Variants in AFF3 observed in about 807,000 individuals in gnomAD.
AFF3 encodes the protein AF4/FMR2 family member 3.
In AFF3, 32 loss-of-function variants were observed where a neutral mutation model predicts 129.7. That is an observed-to-expected ratio of 0.25 (90% CI 0.19 to 0.33). AFF3 has a LOEUF of 0.33. Among genes scored for constraint, AFF3 ranks in the 10% least tolerant of loss-of-function variants. The pLI, the probability that AFF3 is intolerant of heterozygous loss-of-function variation, is 1.00. For missense variants in AFF3, 1,373 were observed against 1,592.0 expected (o/e 0.86, Z 2.34); for synonymous variants, 644 against 635.4 (o/e 1.01, Z -0.20).
chr2:100,106,457 CTG>C, intron 2 of AFF3: 1 of 1,026,632 alleles, frequency 9.7e-7, no homozygotes, highest in Non-Finnish European at 1.2e-6. Context: ...AAAAGAAAAT[CTG>C]TCTTTCTAAT....
chr2:99,760,145 T>C (rs991348803), intron 8 of AFF3, among the ~76,000 whole-genome samples: 1 of 152,208 alleles, frequency 6.6e-6, no homozygotes, highest in Non-Finnish European at 1.5e-5. Context: ...GTCTCTAAAA[T>C]GAGAAATATA....
At chr2:100,021,779 A>T (rs1683620127) in intron 4 of AFF3, among the ~76,000 whole-genome samples, 1 of 152,258 alleles carries the variant, frequency 6.6e-6, no homozygotes, top group South Asian at 2.1e-4. Flanking sequence ...GGGGCTTAGA[A>T]AATTTAAACA....
At position 99,601,691 on chromosome 2, in the gene AFF3, C is replaced by G. The variant is rs1679857038; in HGVS notation, c.1185-70G>C. On this transcript the variant is annotated intron_variant, in intron 13 of 24. Transcript: ENST00000672756. ...AAGTGAGCAAACAGGAAAACACCAC[C>G]AAGCTGTCATGCACCCTAAAGAGGG... The G allele has an allele frequency of 5.9e-6, 9 of 1,531,894 alleles. No individual in the cohort carries two copies. In the South Asian group the frequency reaches 1.1e-4, roughly 19 times the overall value. The allele number at this position is 1,531,894 out of a possible 1,614,324, so 94.9% of individuals were successfully genotyped here.
intron 7 of AFF3, among the ~76,000 whole-genome samples, chr2:99,928,402 T>C (rs1414385156): frequency 1.3e-5 from 2 of 152,192 alleles, no homozygotes; most frequent in African/African-American, 2.4e-5. Context: ...AACTTGTTCC[T>C]TGAATACAAG....
Position 99,545,930 on chromosome 2 carries a change from T to A in AFF3, c.*5544A>T. On this transcript the variant is annotated 3_prime_UTR_variant, in exon 25 of 25. Coordinates refer to ENST00000672756, the MANE Select transcript of AFF3 (RefSeq NM_001386135.1). ...AAACAAGTTAACCCCTTTGGTGACA[T>A]ATACAGAATAATCTGGACAAAGGGA... is the stretch of plus-strand genomic sequence containing the variant. 4.9e-6 allele frequency: 1 copy of A among 205,962 alleles called. No individual in the cohort carries two copies. Among genetic ancestry groups the A allele is most frequent in the East Asian group, 7.4e-5 (1 of 13,594 alleles). 12.8% of individuals were successfully genotyped at this position (205,962 alleles called of 1,614,324 possible).
chr2:99,801,085 T>G (rs1685908488), intron 8 of AFF3, among the ~76,000 whole-genome samples: 1 of 152,224 alleles, frequency 6.6e-6, no homozygotes, highest in South Asian at 2.1e-4. Context: ...TTCACCGGTA[T>G]ATACCAATGT....
intron 4 of AFF3, among the ~76,000 whole-genome samples, chr2:100,069,076 C>T (rs566388554): frequency 6.7e-6 from 1 of 149,016 alleles, no homozygotes; most frequent in East Asian, 1.9e-4. Flanking sequence ...CTAGTACTCT[C>T]TAGTTATTTT....
At chr2:99,607,613 T>A (rs2105159746) in intron 13 of AFF3, among the ~76,000 whole-genome samples, 1 of 152,250 alleles carries the variant, frequency 6.6e-6, no homozygotes, top group East Asian at 1.9e-4. Flanking sequence ...CCAAGTGTAT[T>A]GTGGGGCCTG....
intron 4 of AFF3, among the ~76,000 whole-genome samples, chr2:100,102,403 T>C (rs1690800757): frequency 6.6e-6 from 1 of 152,176 alleles, no homozygotes; most frequent in South Asian, 2.1e-4. Flanking sequence ...AAAGTCTACA[T>C]GCCTTCATAA....
intron 4 of AFF3, among the ~76,000 whole-genome samples, chr2:100,016,601 G>A (rs1683111389): frequency 1.3e-5 from 2 of 148,488 alleles, no homozygotes; most frequent in South Asian, 2.1e-4. Context: ...TGGTGGTGGT[G>A]GTAGTGGTGG....
At chr2:99,848,410 C>T (rs753189044) in intron 7 of AFF3, among the ~76,000 whole-genome samples, 8 of 152,120 alleles carry the variant, frequency 5.3e-5, no homozygotes, top group African/African-American at 1.4e-4. Context: ...AGATCCGCCA[C>T]GTACAGGGAA....
At chr2:99,739,790 C>A (rs1680559599) in intron 10 of AFF3, among the ~76,000 whole-genome samples, 1 of 151,890 alleles carries the variant, frequency 6.6e-6, no homozygotes, top group Non-Finnish European at 1.5e-5. Flanking sequence ...CTCAGTATTT[C>A]TCTATTTCTT....
At chr2:99,834,735 T>C (rs1688741413) in intron 8 of AFF3, among the ~76,000 whole-genome samples, 1 of 152,200 alleles carries the variant, frequency 6.6e-6, no homozygotes, top group African/African-American at 2.4e-5. Context: ...CTTTTCACTG[T>C]CATAATTTTC....
chr2:99,779,998 A>C (rs1684261573), intron 8 of AFF3, among the ~76,000 whole-genome samples: 1 of 152,218 alleles, frequency 6.6e-6, no homozygotes, highest in African/African-American at 2.4e-5. Flanking sequence ...AACACATCTC[A>C]TTCAAAACTA....
chr2:99,601,453 G>C lies in AFF3; in HGVS notation c.1353C>G (p.Pro451=), dbSNP rs540445816. ...SSSESEGSKP[P]HFSSPEAEPA... ...CGCTTACCTCGGGGCTGGAGAAGTG[G>C]GGGGGCTTGCTGCCCTCACTCTCGC... The change falls in exon 14 of 25, where the codon CCC becomes CCG. Residue 451 remains proline, a synonymous_variant. Transcript: ENST00000672756. 13 of 1,607,926 alleles carry C rather than the reference G, an allele frequency of 8.1e-6. No individual in the cohort carries two copies. The highest frequency in any genetic ancestry group is 5.0e-5 in the Admixed American group (3 of 59,548).
intron 7 of AFF3, among the ~76,000 whole-genome samples, chr2:99,892,458 A>G (rs1479964605): frequency 2.0e-5 from 3 of 152,200 alleles, no homozygotes; most frequent in Non-Finnish European, 4.4e-5. Context: ...CTTTATAAAG[A>G]GCTTTATAAT....
At chr2:99,940,950 G>A (rs557305245) in intron 7 of AFF3, among the ~76,000 whole-genome samples, 2 of 151,902 alleles carry the variant, frequency 1.3e-5, no homozygotes, top group African/African-American at 2.4e-5. Context: ...TCTTTGTTTC[G>A]TGGCCACCCG....
intron 8 of AFF3, among the ~76,000 whole-genome samples, chr2:99,825,377 T>C (rs1687999560): frequency 6.6e-6 from 1 of 152,182 alleles, no homozygotes; most frequent in African/African-American, 2.4e-5. Flanking sequence ...CAATAGTAAT[T>C]TGCAGCAAAT....
intron 2 of AFF3, among the ~76,000 whole-genome samples, chr2:100,127,176 C>T (rs1329425822): frequency 6.6e-6 from 1 of 152,092 alleles, no homozygotes; most frequent in East Asian, 1.9e-4. Context: ...ACCGAGGCTC[C>T]CCTAGGTGTT....
Sources: allele counts gnomAD v4.1 joint callset (sites outside exome capture counted in the v4.1 genomes callset), GRCh38; gene constraint gnomAD v4.1.1; transcripts MANE v1.5; gene names NCBI Gene and HGNC (gene_info 2026-07-23, HGNC 2026-07-21).